PLA2G4D: variants seen among roughly 807,000 people sequenced by gnomAD.
PLA2G4D encodes cytosolic phospholipase A2 delta.
PLA2G4D carries 80 observed loss-of-function variants against 94.4 expected under a neutral mutation model. The ratio of observed to expected loss-of-function variants is 0.85; its 90% CI spans 0.71 to 1.02. PLA2G4D has a LOEUF of 1.02. PLA2G4D is among the 50% of genes least tolerant of loss of function. The pLI is 0.00. For synonymous variants in PLA2G4D, 438 were observed against 440.9 expected (o/e 0.99, Z 0.08); for missense variants, 1,050 against 1,034.7 (o/e 1.01, Z -0.20).
In PLA2G4D at chr15:42,085,673, G is replaced by T. The variant is rs1260442990; in HGVS notation, c.388-142C>A. 12 of 792,182 alleles carry T rather than the reference G, an allele frequency of 1.5e-5. No individual in the cohort carries two copies. In the Admixed American group the frequency reaches 2.1e-4, roughly 14 times the overall value. The allele number at this position is 792,182 out of a possible 1,614,324, so 49.1% of individuals were successfully genotyped here. ...GTACAATTATTTCCAATTTATGGAT[G>T]AGGAAACTGAGGTATGGGGCCAGAT... is the stretch of plus-strand genomic sequence containing the variant. On this transcript the variant is annotated intron_variant, in intron 4 of 19. Transcript: ENST00000290472.
chr15:42,090,066 C>T (rs1456868953), intron 1 of PLA2G4D, among the ~76,000 whole-genome samples: 3 of 152,178 alleles, frequency 2.0e-5, no homozygotes, highest in Non-Finnish European at 1.5e-5. Context: ...CTGGTCTTTA[C>T]GGGGGCTTAA....
intron 1 of PLA2G4D, among the ~76,000 whole-genome samples, chr15:42,091,458 G>A (rs1424822432): frequency 6.6e-6 from 1 of 152,020 alleles, no homozygotes; most frequent in East Asian, 1.9e-4. Context: ...CCACCAGAAG[G>A]GCTCCTTGGT....
At chr15:42,089,376 C>G (rs1566866383) in intron 1 of PLA2G4D, among the ~76,000 whole-genome samples, 1 of 152,168 alleles carries the variant, frequency 6.6e-6, no homozygotes, top group African/African-American at 2.4e-5. Flanking sequence ...ACAGCAAAGC[C>G]ATATGCCTGG....
chr15:42,089,734 C>A (rs770119000), intron 1 of PLA2G4D, among the ~76,000 whole-genome samples: 1 of 152,140 alleles, frequency 6.6e-6, no homozygotes, highest in Non-Finnish European at 1.5e-5. Context: ...AGGTGAAGGG[C>A]AGAGGCAGCC....
intron 3 of PLA2G4D, among the ~76,000 whole-genome samples, chr15:42,086,917 T>C (rs1275135039): frequency 1.3e-5 from 2 of 152,180 alleles, no homozygotes; most frequent in Non-Finnish European, 2.9e-5. Flanking sequence ...CCTGTCTGTG[T>C]GTCTCTCTCT....
chr15:42,074,589 A>G (rs957364574), intron 13 of PLA2G4D, among the ~76,000 whole-genome samples: 2 of 152,202 alleles, frequency 1.3e-5, no homozygotes, highest in African/African-American at 4.8e-5. Flanking sequence ...ATCAATATTA[A>G]AGATGTATGT....
At chr15:42,085,636 G>C in intron 4 of PLA2G4D, 105 bp from the exon 5 acceptor site, 2 of 1,143,386 alleles carry the variant, frequency 1.7e-6, no homozygotes, top group Non-Finnish European at 2.6e-6. Context: ...GGTCTCCAAG[G>C]GAGGCACGTT....
intron 12 of PLA2G4D, among the ~76,000 whole-genome samples, chr15:42,080,176 A>G (rs1890010745): frequency 6.6e-6 from 1 of 152,186 alleles, no homozygotes; most frequent in African/African-American, 2.4e-5. Flanking sequence ...CAAATGGTCA[A>G]TAAACAATGT....
Position 42,068,449 on chromosome 15 carries a change from G to A in PLA2G4D, c.*266C>T, listed in dbSNP as rs1889726115. The A allele has an allele frequency of 2.0e-6, 1 of 494,062 alleles. No homozygotes were observed. The highest frequency in any genetic ancestry group is 3.7e-6 in the Non-Finnish European group (1 of 272,204). The allele number at this position is 494,062 out of a possible 1,614,324, so 30.6% of individuals were successfully genotyped here. A position where few individuals can be genotyped will look rare whatever the true frequency, so the allele number is the denominator to read the frequency against. On this transcript the variant is annotated 3_prime_UTR_variant, in exon 20 of 20. Transcript: ENST00000290472. The stretch of plus-strand genomic sequence containing the variant: ...AAATCTATCCTGCTCAGGCATGGAA[G>A]TAATTGTGGTGTGAAAGTCTGTCTG...
At position 42,093,980 on chromosome 15, in the gene PLA2G4D, A is replaced by T. The variant is rs570849710; in HGVS notation, c.45+435T>A. ...ATGCAGCCCCACAGCTCTTGGGCCT[A>T]CTAAATACTTGGCAGTGGATGGGGA... On this transcript the variant is annotated intron_variant, in intron 1 of 19. Transcript: ENST00000290472. Among the ~76,000 whole-genome samples the T allele has an allele frequency of 6.6e-5, 10 of 152,218 alleles. No homozygotes were observed. In the Middle Eastern group the frequency reaches 0.014, roughly 209 times the overall value.
chr15:42,081,381 T>A, intron 11 of PLA2G4D, 98 bp downstream of exon 11: 1 of 1,530,866 alleles, frequency 6.5e-7, no homozygotes, highest in Non-Finnish European at 8.8e-7. Context: ...ACATGCCCAC[T>A]CTCCACTGAC....
rs139762556 is a variant in PLA2G4D, at chr15:42,094,373, C to T, written c.45+42G>A. ...TCCCAGAATGCACCCTGGCTCCAGG[C>T]CTGCCCTGACTGGTGCCCACATGCT... On this transcript the variant is annotated intron_variant, in intron 1 of 19. Transcript: ENST00000290472. 1,306 of 1,611,868 alleles carry T rather than the reference C, an allele frequency of 8.1e-4. 17 individuals carry two copies. The African/African-American group carries it at 0.016, about 19-fold the overall frequency.
At chr15:42,085,013 C>A in intron 6 of PLA2G4D, 83 bp downstream of exon 6, 3 of 1,499,250 alleles carry the variant, frequency 2.0e-6, no homozygotes, top group Non-Finnish European at 2.8e-6. Flanking sequence ...CTTGTCCCTG[C>A]TGGTCCACAC....
rs746672036 is a variant in PLA2G4D, at chr15:42,070,925, A to G, written c.1877-42T>C. On this transcript the variant is annotated intron_variant, in intron 17 of 19. Transcript: ENST00000290472. ...GATGGTCAGAGGCCACCACCCTGCC[A>G]CAGGTCATCCATGTCCCCTTCTCTC... The G allele has an allele frequency of 4.4e-6, 7 of 1,589,250 alleles. No homozygotes were observed. The East Asian group carries it at 1.4e-4, about 31-fold the overall frequency.
Position 42,068,656 on chromosome 15 carries a change from C to A in PLA2G4D, c.*59G>T. On this transcript the variant is annotated 3_prime_UTR_variant, in exon 20 of 20. Transcript: ENST00000290472. Reference sequence around the variant, plus strand: ...AACCAGGAAGGCCTGTGGCTGAGCCCAGCTACAGATCAGGTTATGCCCGCA... The same window carrying A: ...AACCAGGAAGGCCTGTGGCTGAGCCAAGCTACAGATCAGGTTATGCCCGCA... 1 of 1,496,290 alleles carries A rather than the reference C, an allele frequency of 6.7e-7. No individual in the cohort carries two copies. Among genetic ancestry groups the A allele is most frequent in the Non-Finnish European group, 9.1e-7 (1 of 1,104,682 alleles). 92.7% of individuals were successfully genotyped at this position (1,496,290 alleles called of 1,614,324 possible).
In PLA2G4D at chr15:42,079,755, T is replaced by C. The variant is rs781443451; in HGVS notation, c.1099A>G (p.Met367Val). Residue 367 changes from methionine (M) to valine (V), a missense_variant, in exon 13 of 20, where the codon ATG becomes GTG. Coordinates refer to ENST00000290472, the MANE Select transcript of PLA2G4D (RefSeq NM_178034.4). The part of the protein sequence containing the change: ...FSGISGSTWT[M>V]AHLYGDPEWS... Reference sequence around the variant, plus strand: ...TCAGGGTCCCCGTACAGGTGGGCCATTGTCCTGGAAGAACGAGGGGACAGA... The same window carrying C: ...TCAGGGTCCCCGTACAGGTGGGCCACTGTCCTGGAAGAACGAGGGGACAGA... 2.5e-6 allele frequency: 4 copies of C among 1,598,438 alleles called. No homozygotes were observed. The East Asian group carries it at 6.9e-5, about 28-fold the overall frequency.
At chr15:42,079,849 C>T (rs543490926) in intron 12 of PLA2G4D, 90 bp from the exon 13 acceptor site, 204 of 1,288,956 alleles carry the variant, frequency 1.6e-4, no homozygotes, top group Middle Eastern at 6.3e-4. Context: ...CTTCTCCTGA[C>T]ACGTGGCTCC....
rs1889730476 is a variant in PLA2G4D, at chr15:42,068,619, GC to G, written c.*95del. 2 of 1,221,202 alleles carry G rather than the reference GC, an allele frequency of 1.6e-6. No individual in the cohort carries two copies. The highest frequency in any genetic ancestry group is 2.3e-5 in the Admixed American group (1 of 43,196). 75.6% of individuals were successfully genotyped at this position (1,221,202 alleles called of 1,614,324 possible). ...ACAGAGGCCACCCAGGCCTGGGAGA[GC>G]CCAGAACTCCAACCAGGAAGGCCTG... On this transcript the variant is annotated 3_prime_UTR_variant, in exon 20 of 20. Transcript: ENST00000290472.
intron 1 of PLA2G4D, among the ~76,000 whole-genome samples, chr15:42,092,026 T>G (rs1197455495): frequency 3.9e-5 from 6 of 152,194 alleles, no homozygotes; most frequent in Non-Finnish European, 8.8e-5. Context: ...CTCCGCGCAT[T>G]GGTGGCAGTG....
Sources: gnomAD v4.1 joint callset for allele counts (sites outside exome capture counted in the v4.1 genomes callset) on GRCh38, gnomAD v4.1.1 for gene constraint, MANE v1.5 for transcripts, NCBI Gene and HGNC (gene_info 2026-07-23, HGNC 2026-07-21) for gene names.